Variants in PKMYT1 observed in about 807,000 individuals in gnomAD.
PKMYT1 encodes the protein protein kinase, membrane associated tyrosine/threonine 1, also known as membrane-associated tyrosine- and threonine-specific cdc2-inhibitory kinase.
In PKMYT1, 35 loss-of-function variants were observed where a neutral mutation model predicts 49.7. The ratio of observed to expected loss-of-function variants is 0.70; its 90% CI spans 0.54 to 0.93. The LOEUF is 0.93. PKMYT1 is among the 40% of genes least tolerant of loss of function. PKMYT1 has a pLI of 0.00. For missense variants in PKMYT1, 677 were observed against 673.1 expected (o/e 1.01, Z -0.06); for synonymous variants, 331 against 287.6 (o/e 1.15, Z -1.53).
chr16:2,974,860 T>C, intron 4 of PKMYT1: 1 of 586,048 alleles, frequency 1.7e-6, no homozygotes, highest in Non-Finnish European at 3.0e-6. Context: ...ATGGGCTCTG[T>C]GCCCAGGGAG....
In PKMYT1 at chr16:2,973,195, G is replaced by T. The variant is rs367908024; in HGVS notation, c.1331C>A (p.Ala444Asp). The T allele has an allele frequency of 7.4e-5, 112 of 1,514,662 alleles. No individual in the cohort carries two copies. Among genetic ancestry groups the T allele is most frequent in the Non-Finnish European group, 9.1e-5 (103 of 1,127,738 alleles). The allele number at this position is 1,514,662 out of a possible 1,614,324, so 93.8% of individuals were successfully genotyped here. A position where few individuals can be genotyped will look rare whatever the true frequency, so the allele number is the denominator to read the frequency against. The change falls in exon 8 of 9, where the codon GCT becomes GAT. Residue 444 changes from alanine (A) to aspartate (D), a missense_variant. Transcript: ENST00000262300. ...DSLGPSLSPE[A>D]VLARTVGSTS... ...GCTCCCCACAGTCCGGGCCAGGACA[G>T]CCTCAGGGGAGAGTGAAGGCCTGCA...
chr16:2,973,610 AG>A, intron 7 of PKMYT1: 2 of 482,442 alleles, frequency 4.1e-6, no homozygotes. Flanking sequence ...TCCTAATTAC[AG>A]CCTCTCACTC....
At position 2,973,119 on chromosome 16, in the gene PKMYT1, A is replaced by T. The variant is rs2072050199; in HGVS notation, c.1388+19T>A. The stretch of plus-strand genomic sequence containing the variant: ...TCCAAAAGCTAGCCCTGCCCACCCC[A>T]GCCCCTGGACCTGCTTACCTGGGTG... On this transcript the variant is annotated intron_variant, in intron 8 of 8. Transcript: ENST00000262300. 3 of 1,560,980 alleles carry T rather than the reference A, an allele frequency of 1.9e-6. No individual in the cohort carries two copies. In the East Asian group the frequency reaches 6.9e-5, roughly 36 times the overall value.
chr16:2,979,842 T>A lies in PKMYT1; in HGVS notation c.-185A>T. ...AGGCCCGACACATCTGCTGGCCACC[T>A]TTCCCGGTAGACGGTAAGTTCCTCC... On this transcript the variant is annotated 5_prime_UTR_variant, in exon 2 of 9. In the 5' UTR this introduces an upstream ATG that the reference lacks. Coordinates refer to ENST00000262300, the MANE Select transcript of PKMYT1 (RefSeq NM_004203.5). The A allele has an allele frequency of 1.6e-6, 1 of 641,378 alleles. No homozygotes were observed. Among genetic ancestry groups the A allele is most frequent in the East Asian group, 2.8e-5 (1 of 35,586 alleles). 39.7% of individuals were successfully genotyped at this position (641,378 alleles called of 1,614,324 possible).
Position 2,974,664 on chromosome 16 carries a change from GGA to G in PKMYT1, c.873-10_873-9del. ...AGGATGGTGAGGCCCAGACTGGCAG[GGA>G]CGGGATGGGGACAGAAAGGGGCAGG... On this transcript the variant is annotated splice_polypyrimidine_tract_variant and intron_variant, in intron 4 of 8. Transcript: ENST00000262300. The G allele has an allele frequency of 6.5e-7, 1 of 1,538,788 alleles. No homozygotes were observed. Among genetic ancestry groups the G allele is most frequent in the Non-Finnish European group, 8.8e-7 (1 of 1,134,714 alleles).
Position 2,975,744 on chromosome 16 carries a change from C to T in PKMYT1, c.447G>A (p.Lys149=). ...CCTCGGCCAACTTGCGGGCCCGGTCCTTGGGGCCCCGGAATGGTGACATGG... is the reference window on the plus strand; with the variant it reads ...CCTCGGCCAACTTGCGGGCCCGGTCTTTGGGGCCCCGGAATGGTGACATGG... ...KRSMSPFRGP[K]DRARKLAEVG... is the part of the protein sequence containing the mutation. The change falls in exon 4 of 9, where the codon AAG becomes AAA. Residue 149 remains lysine (K), a synonymous_variant. Transcript: ENST00000262300. 6.2e-7 allele frequency: 1 copy of T among 1,602,036 alleles called. No homozygotes were observed.
In PKMYT1 at chr16:2,974,235, G is replaced by A. The variant is rs778401458; in HGVS notation, c.1152+10C>T. 144 of 1,560,034 alleles carry A rather than the reference G, an allele frequency of 9.2e-5. No homozygotes were observed. Among genetic ancestry groups the A allele is most frequent in the Non-Finnish European group, 1.2e-4 (138 of 1,153,130 alleles). On this transcript the variant is annotated intron_variant, in intron 6 of 8. Coordinates refer to ENST00000262300, the MANE Select transcript of PKMYT1 (RefSeq NM_004203.5). The stretch of plus-strand genomic sequence containing the variant: ...AGCAGGGCAGGCAGCCGCCACTGTC[G>A]GGAGCTTACCTGCCACAGGGCCCAC...
intron 6 of PKMYT1, 30 bp from the exon 7 acceptor site, chr16:2,974,187 T>C (rs2074528): frequency 0.73 from 1,147,364 of 1,573,872 alleles, 421,029 homozygotes; most frequent in African/African-American, 0.78. Context: ...AGGATGTGGG[T>C]GGGCGGACCC....
intron 4 of PKMYT1, chr16:2,974,862 C>A (rs2072141051): frequency 1.7e-6 from 1 of 585,698 alleles, no homozygotes; most frequent in Non-Finnish European, 3.0e-6. Context: ...GGGCTCTGTG[C>A]CCAGGGAGCC....
At chr16:2,977,117 G>A in intron 2 of PKMYT1, 86 bp from the exon 3 acceptor site, 3 of 1,567,184 alleles carry the variant, frequency 1.9e-6, no homozygotes, top group Non-Finnish European at 2.6e-6. Flanking sequence ...GGCCACAGAA[G>A]AGAGCTATGT....
intron 4 of PKMYT1, among the ~76,000 whole-genome samples, chr16:2,975,040 G>A (rs574082694): frequency 2.3e-4 from 35 of 152,336 alleles, no homozygotes; most frequent in South Asian, 4.1e-4. Context: ...AGTGGGCTCC[G>A]GCAAGGCCCT....
rs2072293234 is a variant in PKMYT1 at position 2,979,784 on chromosome 16, G to A, written c.-127C>T. On this transcript the variant is annotated 5_prime_UTR_variant, in exon 2 of 9. Transcript: ENST00000262300. Reference sequence around the variant, plus strand: ...GACCTCCGCAGCTTCCGGGGCCCTGGGCGATCGGGCCGTCTCGCCTCACCC... The same window carrying A: ...GACCTCCGCAGCTTCCGGGGCCCTGAGCGATCGGGCCGTCTCGCCTCACCC... The A allele has an allele frequency of 1.8e-6, 2 of 1,122,596 alleles. No individual in the cohort carries two copies. Among genetic ancestry groups the A allele is most frequent in the South Asian group, 2.6e-5 (2 of 76,536 alleles). The allele number at this position is 1,122,596 out of a possible 1,614,324, so 69.5% of individuals were successfully genotyped here.
In PKMYT1 at chr16:2,974,385, T is replaced by G. The variant is rs772244440; in HGVS notation, c.1012A>C (p.Met338Leu). 1 of 1,611,360 alleles carries G rather than the reference T, an allele frequency of 6.2e-7. No homozygotes were observed. The highest frequency in any genetic ancestry group is 8.5e-7 in the Non-Finnish European group (1 of 1,179,400). Residue 338 changes from methionine (M) to leucine (L), a missense_variant, in exon 6 of 9, where the codon ATG becomes CTG. Coordinates refer to ENST00000262300, the MANE Select transcript of PKMYT1 (RefSeq NM_004203.5). The stretch of plus-strand genomic sequence containing the variant: ...AGCTTGGGGTCTGGCTCCAGCATCA[T>G]GACAAGGACAGAACGCAGCTCGGAA... Reference protein sequence around the residue: ...LSSELRSVLVMMLEPDPKLRA... With the variant: ...LSSELRSVLVLMLEPDPKLRA...
At chr16:2,978,089 A>G (rs1013264498) in intron 2 of PKMYT1, among the ~76,000 whole-genome samples, 3 of 152,228 alleles carry the variant, frequency 2.0e-5, no homozygotes, top group Non-Finnish European at 2.9e-5. Flanking sequence ...AAGCAATAGC[A>G]GCACTCAGAG....
At chr16:2,977,576 C>T (rs1293810213) in intron 2 of PKMYT1, 2 of 799,930 alleles carry the variant, frequency 2.5e-6, no homozygotes, top group Non-Finnish European at 3.0e-6. Context: ...CAACTGATGA[C>T]GATTATTCAA....
At chr16:2,977,137 A>G in intron 2 of PKMYT1, 106 bp from the exon 3 acceptor site, 1 of 1,531,710 alleles carries the variant, frequency 6.5e-7, no homozygotes, top group African/African-American at 1.4e-5. Flanking sequence ...TCTATACCAC[A>G]CACTTATTCT....
Position 2,973,155 on chromosome 16 carries a change from C to A in PKMYT1, c.1371G>T (p.Arg457=). 6.5e-7 allele frequency: 1 copy of A among 1,542,152 alleles called. No homozygotes were observed. The highest frequency in any genetic ancestry group is 2.3e-5 in the East Asian group (1 of 43,038). The change falls in exon 8 of 9, where the codon CGG becomes CGT. Residue 457 remains arginine, a synonymous_variant. Coordinates refer to ENST00000262300, the MANE Select transcript of PKMYT1 (RefSeq NM_004203.5). Reference sequence around the variant, plus strand: ...CTGCTTACCTGGGTGTGCACCTGCTCCGGGGGGTGGAGGTGCTCCCCACAG... The same window carrying A: ...CTGCTTACCTGGGTGTGCACCTGCTACGGGGGGTGGAGGTGCTCCCCACAG... ...ARTVGSTSTP[R]SRCTPRDALD...
At position 2,979,688 on chromosome 16, in the gene PKMYT1, G is replaced by A; in HGVS notation, c.-31C>T. On this transcript the variant is annotated 5_prime_UTR_variant, in exon 2 of 9. Coordinates refer to ENST00000262300, the MANE Select transcript of PKMYT1 (RefSeq NM_004203.5). ...GCCTGGCCCAACAGCCTCAGTGGTG[G>A]GACGGGGGAGGCAGGAGCAGGGGCT... The A allele has an allele frequency of 1.2e-6, 2 of 1,613,794 alleles. No individual in the cohort carries two copies. Among genetic ancestry groups the A allele is most frequent in the Non-Finnish European group, 1.7e-6 (2 of 1,179,870 alleles).
In PKMYT1 at chr16:2,973,559, C is replaced by T. The variant is rs112105306; in HGVS notation, c.1311-344G>A. ...GATGTGTTTGTAAGGAAGGGGCTAA[C>T]GGCAGAGTCCCCAAGAGCTGTCTGC... On this transcript the variant is annotated intron_variant, in intron 7 of 8. Transcript: ENST00000262300. The T allele has an allele frequency of 4.9e-3, 3,980 of 814,010 alleles. 118 individuals are homozygous for T. The African/African-American group carries it at 0.06, about 12-fold the overall frequency. 50.4% of individuals were successfully genotyped at this position (814,010 alleles called of 1,614,324 possible).
Sources: gnomAD v4.1 joint callset for allele counts (sites outside exome capture counted in the v4.1 genomes callset) on GRCh38, gnomAD v4.1.1 for gene constraint, MANE v1.5 for transcripts, NCBI Gene and HGNC (gene_info 2026-07-23, HGNC 2026-07-21) for gene names.